The following PABIR3 variants were observed in gnomAD, a reference collection of about 807,000 sequenced individuals.
PABIR3 encodes the protein PABIR family member 1.
In PABIR3, 20 loss-of-function variants were observed where a neutral mutation model predicts 23.1. The observed-to-expected ratio is 0.86, with a 90% CI of 0.61 to 1.26. The LOEUF (loss-of-function observed/expected upper bound fraction) is 1.26, where lower values mean the gene tolerates loss of function less well. PABIR3 is among the 50% of genes most tolerant of loss of function. The probability of loss-of-function intolerance (pLI) is 0.00; values close to 1 mark genes in which losing one functional copy is unlikely to be tolerated. For synonymous variants in PABIR3, 69 were observed against 68.5 expected (o/e 1.01, Z -0.04); for missense variants, 189 against 195.4 (o/e 0.97, Z 0.20).
chrX:134,846,746 T>C (rs184670154), intron 6 of PABIR3, among the ~76,000 whole-genome samples: 79 of 112,040 alleles, frequency 7.1e-4, no homozygotes, highest in African/African-American at 2.4e-3. Flanking sequence ...GTTTTGGTGC[T>C]AATACAATTG....
chrX:134,844,388 C>T (rs1259769478), intron 4 of PABIR3, among the ~76,000 whole-genome samples: 3 of 109,968 alleles, frequency 2.7e-5, no homozygotes, highest in African/African-American at 9.9e-5. Context: ...GTGATTGGGA[C>T]TTTGGTAAGG....
At chrX:134,811,091 C>T (rs1603160606) in intron 2 of PABIR3, 1 of 749,625 alleles carries the variant, frequency 1.3e-6, no homozygotes, top group African/African-American at 2.3e-5. Flanking sequence ...TTGTTTCTTT[C>T]ATATCAACTC....
intron 9 of PABIR3, among the ~76,000 whole-genome samples, chrX:134,852,217 G>A (rs1183357350): frequency 8.9e-6 from 1 of 112,253 alleles, no homozygotes; most frequent in Non-Finnish European, 1.9e-5. Context: ...GCTCACGCCT[G>A]TAATCCCAGC....
the PABIR3 span, among the ~76,000 whole-genome samples, chrX:134,862,468 AGTGTAT>A: frequency 1.8e-5 from 2 of 111,600 alleles, no homozygotes; most frequent in African/African-American, 3.2e-5. Flanking sequence ...GTTTTTAAGA[AGTGTAT>A]GTGTCTATAT....
chrX:134,846,003 T>G lies in PABIR3; in HGVS notation c.345+602T>G, dbSNP rs749453379. Among the ~76,000 whole-genome samples the G allele has an allele frequency of 4.8e-4, 54 of 112,023 alleles. 1 individual carries two copies. The highest frequency in any genetic ancestry group is 1.6e-3 in the Admixed American group (17 of 10,438). ...GTGTTAGTCCGTTCTCACATTGCTA[T>G]AAGGAAATACCCAAGACTGGGTAAT... is the stretch of plus-strand genomic sequence containing the variant. On this transcript the variant is annotated intron_variant, in intron 6 of 10. Transcript: ENST00000645433.
intron 9 of PABIR3, among the ~76,000 whole-genome samples, chrX:134,850,953 A>G (rs1360960636): frequency 3.6e-5 from 4 of 112,034 alleles, no homozygotes; most frequent in Non-Finnish European, 7.5e-5. Context: ...TCATTTGGCC[A>G]TTTTTGGCCA....
chrX:134,823,340 C>T (rs900854994), intron 3 of PABIR3, among the ~76,000 whole-genome samples: 3 of 111,424 alleles, frequency 2.7e-5, no homozygotes, highest in African/African-American at 9.8e-5. Context: ...TATATGTATA[C>T]ATTTAAGTTC....
chrX:134,816,465 C>T (rs763906408), intron 3 of PABIR3, among the ~76,000 whole-genome samples: 1 of 111,739 alleles, frequency 8.9e-6, no homozygotes, highest in South Asian at 3.8e-4. Flanking sequence ...GGATTACAGG[C>T]ACCCGCCACC....
At chrX:134,856,525 G>C (rs2082751221), downstream of PABIR3, among the ~76,000 whole-genome samples, 1 of 110,713 alleles carries the variant, frequency 9.0e-6, no homozygotes, top group Admixed American at 9.7e-5. Flanking sequence ...TGATTTAGCT[G>C]TACACTAGGA....
In PABIR3 at chrX:134,849,181, C is replaced by A; in HGVS notation, c.542C>A (p.Pro181His). Residue 181 changes from proline (P) to histidine (H), a missense_variant, in exon 9 of 11, where the codon CCT becomes CAT. Coordinates refer to ENST00000645433, the MANE Select transcript of PABIR3 (RefSeq NM_001388447.1). The stretch of plus-strand genomic sequence containing the variant: ...TTTTATTTTAGAAGAAGTCAAAATC[C>A]TACCAACATTATTAGACCAAGTATC... Reference protein sequence around the residue: ...MQQYIIRSQNPTNIIRPSILG... With the variant: ...MQQYIIRSQNHTNIIRPSILG... 1 of 993,392 alleles carries A rather than the reference C, an allele frequency of 1.0e-6. No homozygotes were observed. Among genetic ancestry groups the A allele is most frequent in the Non-Finnish European group, 1.3e-6 (1 of 778,931 alleles). 81.9% of individuals were successfully genotyped at this position (993,392 alleles called of 1,213,427 possible). A position where few individuals can be genotyped will look rare whatever the true frequency, so the allele number is the denominator to read the frequency against.
intron 3 of PABIR3, among the ~76,000 whole-genome samples, chrX:134,827,290 A>G (rs2081548245): frequency 9.0e-6 from 1 of 110,920 alleles, no homozygotes; most frequent in African/African-American, 3.3e-5. Context: ...TTGAACACTC[A>G]TCTTCCCTCC....
In PABIR3 at chrX:134,807,722, A is replaced by G. The variant is rs374990973; in HGVS notation, c.110+14A>G. 1.0e-5 allele frequency: 12 copies of G among 1,155,234 alleles called. No homozygotes were observed. Among genetic ancestry groups the G allele is most frequent in the Non-Finnish European group, 1.4e-5 (12 of 861,593 alleles). On this transcript the variant is annotated intron_variant, in intron 2 of 10. Transcript: ENST00000645433. ...CAATGGACTTGGGTGAGCCGGGTTGAGATACTGGAGGAGGCAAGCGGTGGG... is the reference window on the plus strand; with the variant it reads ...CAATGGACTTGGGTGAGCCGGGTTGGGATACTGGAGGAGGCAAGCGGTGGG...
At chrX:134,853,898 A>C in intron 10 of PABIR3, among the ~76,000 whole-genome samples, 193 bp from the exon 11 acceptor site, 1 of 111,928 alleles carries the variant, frequency 8.9e-6, no homozygotes, top group Non-Finnish European at 1.9e-5. Flanking sequence ...GATTACAGGC[A>C]TAAGCCACCA....
rs1289183786 is a variant in PABIR3 at position 134,807,552 on chromosome X, G to A, written c.-47G>A. The A allele has an allele frequency of 6.6e-6, 8 of 1,207,953 alleles. No individual in the cohort carries two copies. In the South Asian group the frequency reaches 1.2e-4, roughly 19 times the overall value. The stretch of plus-strand genomic sequence containing the variant: ...GCCCACTAAGTAGACTTGTCCTTGT[G>A]TGGACGGGAGCCGGAAAGCCTTGAG... On this transcript the variant is annotated 5_prime_UTR_variant, in exon 2 of 11. The change creates a new upstream start codon in the 5' untranslated region. Coordinates refer to ENST00000645433, the MANE Select transcript of PABIR3 (RefSeq NM_001388447.1).
intron 3 of PABIR3, among the ~76,000 whole-genome samples, chrX:134,817,043 G>A (rs2081021514): frequency 9.0e-6 from 1 of 111,317 alleles, no homozygotes; most frequent in South Asian, 3.7e-4. Flanking sequence ...ATGTGGTGGT[G>A]CATGCCTGTA....
chrX:134,852,051 G>A (rs753027726), intron 9 of PABIR3, among the ~76,000 whole-genome samples: 12 of 112,263 alleles, frequency 1.1e-4, no homozygotes, highest in Non-Finnish European at 1.9e-4. Context: ...TGTTCATTGT[G>A]TGCTGTAAAA....
intron 9 of PABIR3, among the ~76,000 whole-genome samples, chrX:134,851,762 G>A (rs1603249398): frequency 8.9e-6 from 1 of 111,735 alleles, no homozygotes; most frequent in East Asian, 2.8e-4. Flanking sequence ...AATCTGGCAA[G>A]GCACGGGACA....
chrX:134,858,210 A>G (rs73570712), downstream of PABIR3, among the ~76,000 whole-genome samples: 1,400 of 111,891 alleles, frequency 0.013, 22 homozygotes, highest in African/African-American at 0.044. Context: ...AAATCTTGTA[A>G]GAATGAATGG....
chrX:134,813,376 A>G (rs1209982099), intron 2 of PABIR3, among the ~76,000 whole-genome samples: 4 of 112,306 alleles, frequency 3.6e-5, no homozygotes, highest in Admixed American at 9.5e-5. Context: ...TAGACTATGC[A>G]GTCTGTGGAA....
Sources: allele counts gnomAD v4.1 joint callset (sites outside exome capture counted in the v4.1 genomes callset), GRCh38; gene constraint gnomAD v4.1.1; transcripts MANE v1.5; gene names NCBI Gene and HGNC (gene_info 2026-07-23, HGNC 2026-07-21).